Variants in STK3 observed in about 807,000 individuals in gnomAD.
The protein encoded by STK3 is serine/threonine kinase 3, also known as serine/threonine-protein kinase 3.
In STK3, 41 loss-of-function variants were observed where a neutral mutation model predicts 58.0. That is an observed-to-expected ratio of 0.71 (90% CI 0.55 to 0.92). The LOEUF (loss-of-function observed/expected upper bound fraction) is 0.92, where lower values mean the gene tolerates loss of function less well. Ranked by LOEUF, STK3 falls within the 40% of genes least tolerant of loss-of-function variation. The probability of loss-of-function intolerance (pLI) is 0.00; values close to 1 mark genes in which losing one functional copy is unlikely to be tolerated. For missense variants in STK3, 479 were observed against 602.7 expected (o/e 0.79, Z 2.15); for synonymous variants, 170 against 191.0 (o/e 0.89, Z 0.91).
At chr8:98,755,192 T>C (rs915319320) in intron 3 of STK3, among the ~76,000 whole-genome samples, 1 of 152,178 alleles carries the variant, frequency 6.6e-6, no homozygotes, top group Admixed American at 6.5e-5. Flanking sequence ...TTTAAGCAAC[T>C]AGAACTAAAC....
chr8:98,933,438 G>T (rs1398407611), intron 1 of STK3, among the ~76,000 whole-genome samples: 1 of 152,128 alleles, frequency 6.6e-6, no homozygotes, highest in Non-Finnish European at 1.5e-5. Context: ...TTTGGAGGGG[G>T]AAATGTATTT....
chr8:98,650,045 G>C (rs186928038), intron 6 of STK3, among the ~76,000 whole-genome samples: 22 of 152,154 alleles, frequency 1.4e-4, no homozygotes, highest in Admixed American at 1.3e-3. Context: ...TATCAGCACT[G>C]AGAAAGGCTA....
intron 6 of STK3, among the ~76,000 whole-genome samples, chr8:98,683,261 G>A (rs1202823463): frequency 1.3e-5 from 2 of 152,044 alleles, no homozygotes; most frequent in Non-Finnish European, 2.9e-5. Flanking sequence ...GGCAAGCTGT[G>A]AGGGATGACA....
At chr8:98,489,480 T>C (rs1341730081) in intron 10 of STK3, among the ~76,000 whole-genome samples, 1 of 152,234 alleles carries the variant, frequency 6.6e-6, no homozygotes, top group African/African-American at 2.4e-5. Flanking sequence ...AAAATCTTTA[T>C]GTAATAAACC....
chr8:98,374,587 G>T (rs1817653283), intron 2 of STK3, among the ~76,000 whole-genome samples: 3 of 152,196 alleles, frequency 2.0e-5, no homozygotes, highest in Admixed American at 2.0e-4. Flanking sequence ...CTGCCTTTGG[G>T]TGCAGTCAGT....
At chr8:98,548,243 T>C in intron 8 of STK3, 82 bp from the exon 9 acceptor site, 1 of 1,130,446 alleles carries the variant, frequency 8.8e-7, no homozygotes. Flanking sequence ...ATGAATATAT[T>C]ATAGTTTTAA....
At chr8:98,559,448 C>T (rs1317917636) in intron 8 of STK3, among the ~76,000 whole-genome samples, 1 of 152,040 alleles carries the variant, frequency 6.6e-6, no homozygotes, top group African/African-American at 2.4e-5. Flanking sequence ...CCTGGAGGAG[C>T]CCCATGAAAG....
At chr8:98,390,386 A>G (rs2131011956), upstream of STK3, among the ~76,000 whole-genome samples, 2 of 152,270 alleles carry the variant, frequency 1.3e-5, no homozygotes, top group Middle Eastern at 6.8e-3. Flanking sequence ...TCTGATGAGA[A>G]GTCCTCAAGC....
At chr8:98,446,076 G>A (rs1032359138) in intron 1 of STK3, among the ~76,000 whole-genome samples, 6 of 152,206 alleles carry the variant, frequency 3.9e-5, no homozygotes, top group South Asian at 2.1e-4. Flanking sequence ...CTCAGACACC[G>A]AAAGGTATGC....
chr8:98,568,550 T>C (rs746079049), intron 8 of STK3, among the ~76,000 whole-genome samples: 1 of 152,158 alleles, frequency 6.6e-6, no homozygotes, highest in Non-Finnish European at 1.5e-5. Flanking sequence ...TTAGTGCTTC[T>C]CTCAAATATA....
intron 1 of STK3, among the ~76,000 whole-genome samples, chr8:98,789,036 A>G (rs1382854466): frequency 6.6e-6 from 1 of 152,228 alleles, no homozygotes; most frequent in Non-Finnish European, 1.5e-5. Context: ...AATAAATTTA[A>G]GAAAACTGAA....
chr8:98,550,140 T>C (rs2131591361), intron 8 of STK3, among the ~76,000 whole-genome samples: 1 of 151,506 alleles, frequency 6.6e-6, no homozygotes, highest in Admixed American at 6.5e-5. Context: ...AAAATGCAAA[T>C]CTGAGAACAT....
intron 7 of STK3, among the ~76,000 whole-genome samples, chr8:98,583,366 G>A (rs534521786): frequency 6.6e-6 from 1 of 152,216 alleles, no homozygotes; most frequent in East Asian, 1.9e-4. Flanking sequence ...GAATTTCTAA[G>A]AATGTTGCCA....
At chr8:98,768,318 A>G (rs1014815549) in intron 2 of STK3, among the ~76,000 whole-genome samples, 12 of 152,218 alleles carry the variant, frequency 7.9e-5, no homozygotes, top group African/African-American at 2.9e-4. Context: ...TTTTCTACAG[A>G]AGAGAAACAA....
intron 4 of STK3, among the ~76,000 whole-genome samples, chr8:98,740,006 C>T (rs555619212): frequency 1.3e-3 from 204 of 151,556 alleles, no homozygotes; most frequent in African/African-American, 4.6e-3. Context: ...TGATGGAAGA[C>T]GAAATAAATG....
At chr8:98,610,000 C>T (rs78959601) in intron 6 of STK3, among the ~76,000 whole-genome samples, 1,984 of 151,106 alleles carry the variant, frequency 0.013, 46 homozygotes, top group African/African-American at 0.045. Flanking sequence ...TGACATATAT[C>T]AGATAAACTA....
intron 1 of STK3, among the ~76,000 whole-genome samples, chr8:98,886,080 A>G (rs1013845046): frequency 2.0e-5 from 3 of 152,208 alleles, no homozygotes; most frequent in African/African-American, 7.2e-5. Flanking sequence ...CATGACTATA[A>G]GGTAGCAGTA....
At chr8:98,647,012 G>A (rs1334655257) in intron 6 of STK3, among the ~76,000 whole-genome samples, 1 of 152,034 alleles carries the variant, frequency 6.6e-6, no homozygotes, top group East Asian at 1.9e-4. Flanking sequence ...GGCCTGCCAG[G>A]GGTCTGTCTA....
chr8:98,456,740 T>C (rs1819519152), intron 10 of STK3, among the ~76,000 whole-genome samples: 1 of 152,220 alleles, frequency 6.6e-6, no homozygotes, highest in African/African-American at 2.4e-5. Flanking sequence ...TCAGGCTTGG[T>C]TTTAAAATGA....
Sources: allele counts gnomAD v4.1 joint callset (sites outside exome capture counted in the v4.1 genomes callset), GRCh38; gene constraint gnomAD v4.1.1; transcripts MANE v1.5; gene names NCBI Gene and HGNC (gene_info 2026-07-23, HGNC 2026-07-21).